The following MARCHF11 variants were observed in gnomAD, a reference collection of about 807,000 sequenced individuals.
MARCHF11 encodes the protein E3 ubiquitin-protein ligase MARCHF11.
Under a neutral mutation model 37.3 loss-of-function variants are expected in MARCHF11, and 29 were observed. The observed-to-expected ratio is 0.78, with a 90% CI of 0.58 to 1.06. MARCHF11 has a LOEUF of 1.06. Ranked by LOEUF, MARCHF11 falls within the 50% of genes least tolerant of loss-of-function variation. MARCHF11 has a pLI of 0.00. For missense variants in MARCHF11, 482 were observed against 533.4 expected (o/e 0.90, Z 0.95); for synonymous variants, 233 against 228.0 (o/e 1.02, Z -0.20).
intron 2 of MARCHF11, among the ~76,000 whole-genome samples, chr5:16,102,870 C>T (rs1736981168): frequency 6.6e-6 from 1 of 152,210 alleles, no homozygotes; most frequent in Non-Finnish European, 1.5e-5. Context: ...CACCTGCATG[C>T]TCCCCCTCTT....
chr5:16,147,495 C>A (rs1461781823), intron 2 of MARCHF11, among the ~76,000 whole-genome samples: 1 of 152,096 alleles, frequency 6.6e-6, no homozygotes, highest in Non-Finnish European at 1.5e-5. Flanking sequence ...TAAATCATGC[C>A]CTCAACTATG....
chr5:16,127,393 C>T (rs1737428898), intron 2 of MARCHF11, among the ~76,000 whole-genome samples: 1 of 152,020 alleles, frequency 6.6e-6, no homozygotes, highest in African/African-American at 2.4e-5. Flanking sequence ...CCCCAAGTTC[C>T]AGGGGGGATA....
rs1441935639 is a variant in MARCHF11, at chr5:16,103,181, A to G, written c.694-12100T>C. ...CAGCTTGGTATGCACTCATAGAGAA[A>G]AGTGAATATGGTGCTTGACGAATGG... On this transcript the variant is annotated intron_variant, in intron 2 of 3. Coordinates refer to ENST00000332432, the MANE Select transcript of MARCHF11 (RefSeq NM_001102562.3). 2.6e-5 allele frequency among the ~76,000 whole-genome samples: 4 copies of G among 152,278 alleles called. No individual in the cohort carries two copies. The East Asian group carries it at 5.8e-4, about 22-fold the overall frequency.
chr5:16,105,279 A>G (rs1246565927), intron 2 of MARCHF11, among the ~76,000 whole-genome samples: 1 of 152,240 alleles, frequency 6.6e-6, no homozygotes, highest in Non-Finnish European at 1.5e-5. Flanking sequence ...CAGCTCATTA[A>G]TCCTCAGTAA....
chr5:16,133,009 T>TA, intron 2 of MARCHF11, among the ~76,000 whole-genome samples: 1 of 152,262 alleles, frequency 6.6e-6, no homozygotes, highest in Admixed American at 6.5e-5. Context: ...AAATTAATTT[T>TA]AAAAAAGTTT....
chr5:16,127,952 T>G (rs1228991042), intron 2 of MARCHF11, among the ~76,000 whole-genome samples: 2 of 152,132 alleles, frequency 1.3e-5, no homozygotes, highest in Non-Finnish European at 2.9e-5. Flanking sequence ...GGCCATGAAC[T>G]TGGCAATGGC....
At chr5:16,122,976 G>A (rs1737337331) in intron 2 of MARCHF11, among the ~76,000 whole-genome samples, 1 of 152,164 alleles carries the variant, frequency 6.6e-6, no homozygotes, top group Non-Finnish European at 1.5e-5. Context: ...CAGTGTTGAT[G>A]CTGTGAGGCT....
In MARCHF11 at chr5:16,179,020, G is replaced by C. The variant is rs898000183; in HGVS notation, c.537+19C>G. The C allele has an allele frequency of 5.5e-5, 78 of 1,428,618 alleles. No individual in the cohort carries two copies. The Middle Eastern group carries it at 2.7e-3, about 50-fold the overall frequency. The allele number at this position is 1,428,618 out of a possible 1,614,324, so 88.5% of individuals were successfully genotyped here. On this transcript the variant is annotated intron_variant, in intron 1 of 3. Coordinates refer to ENST00000332432, the MANE Select transcript of MARCHF11 (RefSeq NM_001102562.3). ...GCTGGAGCCGCCACCGGCTGCCTCG[G>C]GGTCTCGCCGGGCCTTACCTGCTCC... is the stretch of plus-strand genomic sequence containing the variant.
At chr5:16,115,480 G>A (rs559646677) in intron 2 of MARCHF11, among the ~76,000 whole-genome samples, 13 of 152,322 alleles carry the variant, frequency 8.5e-5, no homozygotes, top group Admixed American at 3.9e-4. Flanking sequence ...GCAACAGTGC[G>A]CAAGGATAAT....
chr5:16,173,486 G>A (rs1176307104), intron 2 of MARCHF11, among the ~76,000 whole-genome samples: 2 of 152,162 alleles, frequency 1.3e-5, no homozygotes, highest in African/African-American at 2.4e-5. Context: ...GACCTACAGT[G>A]AGGGACATCT....
chr5:16,179,544 C>T lies in MARCHF11; in HGVS notation c.32G>A (p.Arg11Gln), dbSNP rs1738436502. Reference protein sequence around the residue: MSFEGGHGGSRCRGAESGDAE... With the variant: MSFEGGHGGSQCRGAESGDAE... ...GTCCCCGCTCTCCGCCCCGCGACAC[C>T]GACTGCCGCCGTGGCCGCCCTCAAA... Residue 11 changes from arginine (R) to glutamine (Q), a missense_variant, in exon 1 of 4, where the codon CGG becomes CAG. Coordinates refer to ENST00000332432, the MANE Select transcript of MARCHF11 (RefSeq NM_001102562.3). The T allele has an allele frequency of 8.4e-7, 1 of 1,184,846 alleles. No individual in the cohort carries two copies. The highest frequency in any genetic ancestry group is 1.0e-6 in the Non-Finnish European group (1 of 958,126). 73.4% of individuals were successfully genotyped at this position (1,184,846 alleles called of 1,614,324 possible). A position where few individuals can be genotyped will look rare whatever the true frequency, so the allele number is the denominator to read the frequency against.
rs554388253 is a variant in MARCHF11 at position 16,179,602 on chromosome 5, G to T, written c.-27C>A. On this transcript the variant is annotated 5_prime_UTR_variant, in exon 1 of 4. Transcript: ENST00000332432. ...GTTGTGCCGCCGCCGCCCTCCTGCCGGCCCGGCTGGCGGGCCGGGCTCTGG... is the reference window on the plus strand; with the variant it reads ...GTTGTGCCGCCGCCGCCCTCCTGCCTGCCCGGCTGGCGGGCCGGGCTCTGG... 8.6e-7 allele frequency: 1 copy of T among 1,165,288 alleles called. No individual in the cohort carries two copies. Among genetic ancestry groups the T allele is most frequent in the Non-Finnish European group, 1.1e-6 (1 of 945,486 alleles). 72.2% of individuals were successfully genotyped at this position (1,165,288 alleles called of 1,614,324 possible). A position where few individuals can be genotyped will look rare whatever the true frequency, so the allele number is the denominator to read the frequency against.
At chr5:16,131,004 G>A (rs1024164892) in intron 2 of MARCHF11, among the ~76,000 whole-genome samples, 1 of 152,140 alleles carries the variant, frequency 6.6e-6, no homozygotes, top group Non-Finnish European at 1.5e-5. Flanking sequence ...ATTTACACGT[G>A]CCTTTAAATA....
At chr5:16,161,812 T>C (rs1738082416) in intron 2 of MARCHF11, among the ~76,000 whole-genome samples, 2 of 151,994 alleles carry the variant, frequency 1.3e-5, no homozygotes, top group South Asian at 4.1e-4. Context: ...CTCCCAATTA[T>C]ATTATCTTGA....
intron 2 of MARCHF11, among the ~76,000 whole-genome samples, chr5:16,137,798 T>C (rs1017558562): frequency 2.0e-5 from 3 of 152,152 alleles, no homozygotes; most frequent in African/African-American, 7.2e-5. Context: ...AGCAAAGAGA[T>C]TGGTGGCATT....
At chr5:16,112,798 G>A (rs966519529) in intron 2 of MARCHF11, among the ~76,000 whole-genome samples, 3 of 152,144 alleles carry the variant, frequency 2.0e-5, no homozygotes, top group African/African-American at 2.4e-5. Context: ...CTCATGTGTT[G>A]TGGGAAGGAC....
chr5:16,101,208 A>T (rs1252890332), intron 2 of MARCHF11, among the ~76,000 whole-genome samples: 1 of 152,110 alleles, frequency 6.6e-6, no homozygotes, highest in Non-Finnish European at 1.5e-5. Flanking sequence ...ATTAGTCCAG[A>T]TTTAACAGTC....
At chr5:16,071,135 C>T (rs530886472) in intron 3 of MARCHF11, among the ~76,000 whole-genome samples, 63 of 152,254 alleles carry the variant, frequency 4.1e-4, no homozygotes, top group Non-Finnish European at 8.4e-4. Context: ...AATGAATTGT[C>T]GCCTTGACAT....
In MARCHF11 at chr5:16,100,120, C is replaced by T. The variant is rs567965730; in HGVS notation, c.694-9039G>A. Among the ~76,000 whole-genome samples the T allele has an allele frequency of 7.9e-5, 12 of 152,156 alleles. No individual in the cohort carries two copies. The East Asian group carries it at 2.3e-3, about 29-fold the overall frequency. The stretch of plus-strand genomic sequence containing the variant: ...ACTGGGGGTTCCTGGGATAAGTGTC[C>T]AAGACCATGTGCCTGGGTCCCAGAA... On this transcript the variant is annotated intron_variant, in intron 2 of 3. Coordinates refer to ENST00000332432, the MANE Select transcript of MARCHF11 (RefSeq NM_001102562.3).
Sources: gnomAD v4.1 joint callset for allele counts (sites outside exome capture counted in the v4.1 genomes callset) on GRCh38, gnomAD v4.1.1 for gene constraint, MANE v1.5 for transcripts, NCBI Gene and HGNC (gene_info 2026-07-23, HGNC 2026-07-21) for gene names.